Variants in OTOGL observed in about 807,000 individuals in gnomAD.
OTOGL encodes otogelin-like protein.
In OTOGL, 285 loss-of-function variants were observed where a neutral mutation model predicts 318.5. That is an observed-to-expected ratio of 0.89 (90% CI 0.81 to 0.99). OTOGL has a LOEUF of 0.99. OTOGL is among the 50% of genes least tolerant of loss of function. The pLI is 0.00. For synonymous variants in OTOGL, 987 were observed against 936.5 expected, an observed-to-expected ratio of 1.05 and a Z score of -0.99; for missense variants, 2,899 against 2,845.6, an observed-to-expected ratio of 1.02 and a Z score of -0.43.
At chr12:80,328,813 T>A (rs528741964) in intron 36 of OTOGL, 69 bp downstream of exon 36, 14 of 1,410,476 alleles carry the variant, frequency 9.9e-6, no homozygotes, top group Middle Eastern at 3.5e-4. Flanking sequence ...CCGAGGCAAG[T>A]GGTTGTAAAC....
rs1235037358 is a variant in OTOGL, at chr12:80,296,904, T to G, written c.3006T>G (p.Ser1002Arg). The change falls in exon 27 of 59, where the codon AGT becomes AGG. Residue 1002 changes from serine to arginine, a missense_variant. Transcript: ENST00000547103. ...CFDNDIVCSK[S>R]VLISVGDTEI... is the part of the protein sequence containing the mutation. ...ACAACGATATTGTTTGTTCTAAAAG[T>G]GTTTTGATTTCAGTTGGGGACACTG... 1 of 1,542,204 alleles carries G rather than the reference T, an allele frequency of 6.5e-7. No homozygotes were observed. Among genetic ancestry groups the G allele is most frequent in the African/African-American group, 1.4e-5 (1 of 73,822 alleles).
At chr12:80,124,205 A>G (rs1383141414) in intron 1 of OTOGL, among the ~76,000 whole-genome samples, 1 of 152,124 alleles carries the variant, frequency 6.6e-6, no homozygotes, top group Non-Finnish European at 1.5e-5. Context: ...ATCTTGAATT[A>G]ATTTTTGTAT....
intron 7 of OTOGL, among the ~76,000 whole-genome samples, chr12:80,227,174 C>T (rs1398712523): frequency 1.3e-5 from 2 of 151,986 alleles, no homozygotes; most frequent in African/African-American, 2.4e-5. Flanking sequence ...TTCTACATTT[C>T]GGGATATTTC....
intron 1 of OTOGL, among the ~76,000 whole-genome samples, chr12:80,166,480 T>C: frequency 6.6e-6 from 1 of 152,170 alleles, no homozygotes; most frequent in East Asian, 1.9e-4. Flanking sequence ...CTTTTCACCT[T>C]CTTCACTGGA....
chr12:80,146,443 T>C (rs993407951), intron 1 of OTOGL, among the ~76,000 whole-genome samples: 12 of 151,716 alleles, frequency 7.9e-5, no homozygotes, highest in African/African-American at 2.9e-4. Flanking sequence ...TTTGATGTGC[T>C]GCTGGATTCG....
chr12:80,224,948 C>T (rs1442946246), intron 7 of OTOGL, among the ~76,000 whole-genome samples: 1 of 151,974 alleles, frequency 6.6e-6, no homozygotes, highest in Non-Finnish European at 1.5e-5. Flanking sequence ...ATGCATATGT[C>T]TTTCTCCATG....
intron 1 of OTOGL, among the ~76,000 whole-genome samples, chr12:80,194,835 C>T (rs1875942119): frequency 6.6e-6 from 1 of 151,918 alleles, no homozygotes; most frequent in Non-Finnish European, 1.5e-5. Flanking sequence ...CAAATAAATA[C>T]CAAACTGGAA....
In OTOGL at chr12:80,313,484, T is replaced by C. The variant is rs769785210; in HGVS notation, c.3459T>C (p.Val1153=). 6.2e-7 allele frequency: 1 copy of C among 1,609,352 alleles called. No homozygotes were observed. Among genetic ancestry groups the C allele is most frequent in the Non-Finnish European group, 8.5e-7 (1 of 1,176,024 alleles). ...IFASCRNVID[V]TSFAKNCHED... ...TTCACCTCATTTTTCAGATTGACGT[T>C]ACTTCTTTTGCCAAAAATTGTCATG... Residue 1153 remains valine, a synonymous_variant, in exon 31 of 59, where the codon GTT becomes GTC. Transcript: ENST00000547103.
intron 44 of OTOGL, among the ~76,000 whole-genome samples, chr12:80,351,975 T>C (rs925238412): frequency 4.6e-5 from 7 of 152,240 alleles, no homozygotes; most frequent in Non-Finnish European, 5.9e-5. Flanking sequence ...TTTTTCAAAC[T>C]CTTATTCAGT....
chr12:80,187,617 G>A (rs1034153482), intron 1 of OTOGL, among the ~76,000 whole-genome samples: 10 of 152,134 alleles, frequency 6.6e-5, no homozygotes, highest in Non-Finnish European at 1.3e-4. Flanking sequence ...ACAATGAATA[G>A]TAAATATGTA....
intron 49 of OTOGL, 57 bp from the exon 50 acceptor site, chr12:80,358,191 A>T: frequency 1.8e-6 from 2 of 1,121,708 alleles, no homozygotes; most frequent in Non-Finnish European, 2.7e-6. Context: ...TTAAACTCAT[A>T]TTATAATTCA....
rs961755867 is a variant in OTOGL at position 80,185,090 on chromosome 12, C to T, written c.-19-24323C>T. ...AGTTTCCTGATTCAAGACACTGCCC[C>T]GGATGCCAATGCTCTGTTAACACAT... On this transcript the variant is annotated intron_variant, in intron 1 of 58. Transcript: ENST00000547103. Among the ~76,000 whole-genome samples the T allele has an allele frequency of 4.6e-5, 7 of 152,074 alleles. 1 individual carries two copies. Among genetic ancestry groups the T allele is most frequent in the Non-Finnish European group, 7.4e-5 (5 of 68,018 alleles).
chr12:80,210,979 A>C, intron 3 of OTOGL, 93 bp downstream of exon 3: 2 of 812,686 alleles, frequency 2.5e-6, no homozygotes, highest in Non-Finnish European at 3.4e-6. Flanking sequence ...TTTGAAAAAA[A>C]TAAGTGAAAT....
At chr12:80,146,783 T>C (rs1872397212) in intron 1 of OTOGL, among the ~76,000 whole-genome samples, 1 of 151,134 alleles carries the variant, frequency 6.6e-6, no homozygotes, top group Non-Finnish European at 1.5e-5. Flanking sequence ...TGGTTTAGTC[T>C]TGGGAGAGTG....
intron 27 of OTOGL, among the ~76,000 whole-genome samples, chr12:80,301,707 G>A (rs76651191): frequency 0.043 from 6,534 of 152,130 alleles, 189 homozygotes; most frequent in Middle Eastern, 0.095. Context: ...GAGTACCTTT[G>A]ATGGTAATTC....
At chr12:80,125,930 TTTC>T (rs1870803740) in intron 1 of OTOGL, among the ~76,000 whole-genome samples, 1 of 152,174 alleles carries the variant, frequency 6.6e-6, no homozygotes, top group Non-Finnish European at 1.5e-5. Flanking sequence ...TCTTCTCTCT[TTTC>T]TTCTTAATTA....
intron 24 of OTOGL, among the ~76,000 whole-genome samples, chr12:80,277,738 A>G (rs896446980): frequency 2.0e-5 from 3 of 151,558 alleles, no homozygotes; most frequent in South Asian, 2.1e-4. Flanking sequence ...ATTACTCTCT[A>G]TATCTTGTAA....
intron 18 of OTOGL, among the ~76,000 whole-genome samples, chr12:80,259,550 A>G (rs1436957307): frequency 6.6e-6 from 1 of 151,608 alleles, no homozygotes. Flanking sequence ...ACCCCCAGAC[A>G]GGCCCCAGTG....
intron 55 of OTOGL, 48 bp downstream of exon 55, chr12:80,368,357 G>T: frequency 2.1e-6 from 3 of 1,418,632 alleles, no homozygotes; most frequent in Non-Finnish European, 1.9e-6. Flanking sequence ...TGAAGGAGGA[G>T]TTCTTGAGTC....
Sources: gnomAD v4.1 joint callset for allele counts (sites outside exome capture counted in the v4.1 genomes callset) on GRCh38, gnomAD v4.1.1 for gene constraint, MANE v1.5 for transcripts, NCBI Gene and HGNC (gene_info 2026-07-23, HGNC 2026-07-21) for gene names.